The following CA4 variants were observed in gnomAD, a reference collection of about 807,000 sequenced individuals.
CA4 encodes CA-IV.
In CA4, 24 loss-of-function variants were observed where a neutral mutation model predicts 34.5. That is an observed-to-expected ratio of 0.70 (90% CI 0.50 to 0.98). The LOEUF is 0.98. Ranked by LOEUF, CA4 falls within the 50% of genes least tolerant of loss-of-function variation. CA4 has a pLI of 0.00. For missense variants in CA4, 394 were observed against 396.7 expected (o/e 0.99, Z 0.06); for synonymous variants, 178 against 170.6 (o/e 1.04, Z -0.34).
chr17:60,151,516 C>A (rs2145251451), intron 1 of CA4: 1 of 152,332 alleles, frequency 6.6e-6, no homozygotes. Context: ...TGCTTTGTAG[C>A]TGTGTGGTCT....
chr17:60,153,208 C>G (rs2083621386), intron 1 of CA4, among the ~76,000 whole-genome samples: 1 of 152,058 alleles, frequency 6.6e-6, no homozygotes, highest in South Asian at 2.1e-4. Flanking sequence ...CATGGTGGTA[C>G]ATGCCTGTAA....
intron 1 of CA4, among the ~76,000 whole-genome samples, chr17:60,154,999 C>T (rs1485418245): frequency 1.3e-5 from 2 of 152,112 alleles, no homozygotes; most frequent in Admixed American, 1.3e-4. Context: ...CTGCTGGTGA[C>T]CAAAGGATGG....
chr17:60,173,612 T>A (rs1379782943), downstream of CA4, among the ~76,000 whole-genome samples: 1 of 152,226 alleles, frequency 6.6e-6, no homozygotes, highest in African/African-American at 2.4e-5. Context: ...ACTCCTTACA[T>A]GTGTGCATAT....
chr17:60,165,444 TA>T (rs1386700724), intron 5 of CA4, among the ~76,000 whole-genome samples: 2 of 152,082 alleles, frequency 1.3e-5, no homozygotes, highest in Non-Finnish European at 2.9e-5. Context: ...TGTCCTGCCT[TA>T]GGGGGTAGCA....
intron 5 of CA4, among the ~76,000 whole-genome samples, chr17:60,169,944 C>T (rs1226175678): frequency 6.6e-6 from 1 of 152,184 alleles, no homozygotes; most frequent in African/African-American, 2.4e-5. Context: ...AACATTTCCA[C>T]TACCATCCAG....
At chr17:60,156,242 G>A (rs1261090326) in intron 2 of CA4, among the ~76,000 whole-genome samples, 1 of 152,190 alleles carries the variant, frequency 6.6e-6, no homozygotes, top group African/African-American at 2.4e-5. Flanking sequence ...GCTTGGAGAG[G>A]CCATGTGCAC....
In CA4 at chr17:60,157,529, A is replaced by T; in HGVS notation, c.371A>T (p.Lys124Met). ...LHLHWSDLPY[K>M]GSEHSLDGEH... ...CTGCACTGGTCCGACTTGCCATATA[A>T]GGGCTCGGAGCACAGCCTCGATGGG... is the stretch of plus-strand genomic sequence containing the variant. Residue 124 changes from lysine to methionine, a missense_variant, in exon 4 of 8, where the codon AAG becomes ATG. Lys to Met is a moderately conservative substitution (Grantham distance 95). Coordinates refer to ENST00000300900, the MANE Select transcript of CA4 (RefSeq NM_000717.5). 1 of 1,614,200 alleles carries T rather than the reference A, an allele frequency of 6.2e-7. No homozygotes were observed. Among genetic ancestry groups the T allele is most frequent in the Non-Finnish European group, 8.5e-7 (1 of 1,180,032 alleles).
chr17:60,164,268 C>T (rs2083831044), downstream of CA4, among the ~76,000 whole-genome samples: 1 of 146,252 alleles, frequency 6.8e-6, no homozygotes, highest in Non-Finnish European at 1.5e-5. Context: ...TCTTTCCGTC[C>T]TTCCCTCCCT....
chr17:60,155,621 A>AACACTCACACTCACACATGCACACAC (rs1395350105), intron 2 of CA4, among the ~76,000 whole-genome samples: 3 of 149,450 alleles, frequency 2.0e-5, no homozygotes, highest in East Asian at 3.9e-4. Context: ...CACACACTCA[A>AACACTCACACTCACACATGCACACAC]ACACTCACAC....
Position 60,149,976 on chromosome 17 carries a change from C to T in CA4, c.-59C>T. The T allele has an allele frequency of 7.1e-7, 1 of 1,409,692 alleles. No individual in the cohort carries two copies. The highest frequency in any genetic ancestry group is 9.9e-7 in the Non-Finnish European group (1 of 1,013,562). The allele number at this position is 1,409,692 out of a possible 1,614,324, so 87.3% of individuals were successfully genotyped here. A position where few individuals can be genotyped will look rare whatever the true frequency, so the allele number is the denominator to read the frequency against. On this transcript the variant is annotated 5_prime_UTR_variant, in exon 1 of 8. Coordinates refer to ENST00000300900, the MANE Select transcript of CA4 (RefSeq NM_000717.5). The stretch of plus-strand genomic sequence containing the variant: ...CCCAGGCCGGCAGGATCGCTGCACC[C>T]GCGGCGGCCTCCTCGGTGCGCGACC...
intron 6 of CA4, 40 bp from the exon 7 acceptor site, chr17:60,158,243 C>T (rs1308720079): frequency 1.2e-6 from 2 of 1,611,240 alleles, no homozygotes; most frequent in South Asian, 2.2e-5. Flanking sequence ...GGGGCTCCTT[C>T]TCCCACCCTC....
intron 1 of CA4, among the ~76,000 whole-genome samples, chr17:60,153,359 T>C (rs1033775677): frequency 1.3e-4 from 20 of 152,124 alleles, no homozygotes; most frequent in Non-Finnish European, 1.5e-5. Flanking sequence ...TAATATCAAT[T>C]CTTGGATAAT....
At chr17:60,175,664 G>A (rs189066612), downstream of CA4, among the ~76,000 whole-genome samples, 3,882 of 37,334 alleles carry the variant, frequency 0.1, 268 homozygotes, top group African/African-American at 0.39. Context: ...GTGAAACTCC[G>A]TCTCAAAAAA....
downstream of CA4, among the ~76,000 whole-genome samples, chr17:60,162,944 A>G (rs1453719252): frequency 6.6e-6 from 1 of 152,062 alleles, no homozygotes; most frequent in Non-Finnish European, 1.5e-5. Flanking sequence ...CGTCCCACCC[A>G]TCTCCGCTGG....
At chr17:60,171,692 TAC>T (rs1329457514), downstream of CA4, among the ~76,000 whole-genome samples, 19 of 152,302 alleles carry the variant, frequency 1.2e-4, no homozygotes, top group African/African-American at 4.3e-4. Context: ...CAGGCAGCAC[TAC>T]ACCCCCCACT....
chr17:60,166,515 A>T (rs2083857173), intron 5 of CA4, among the ~76,000 whole-genome samples: 1 of 152,274 alleles, frequency 6.6e-6, no homozygotes, highest in South Asian at 2.1e-4. Flanking sequence ...ATTCCTCAAG[A>T]AACTAATTTC....
intron 7 of CA4, 69 bp from the exon 8 acceptor site, chr17:60,159,161 G>T: frequency 7.1e-7 from 1 of 1,407,182 alleles, no homozygotes; most frequent in Admixed American, 2.0e-5. Flanking sequence ...TGAGGTGCCT[G>T]CCTGAGGTCA....
downstream of CA4, among the ~76,000 whole-genome samples, chr17:60,160,966 A>G (rs2083781672): frequency 6.6e-6 from 1 of 151,360 alleles, no homozygotes; most frequent in Non-Finnish European, 1.5e-5. Context: ...GGTGGAGGGC[A>G]TTGGTTTGGA....
chr17:60,159,726 C>T (rs2083764420), downstream of CA4, among the ~76,000 whole-genome samples: 2 of 152,172 alleles, frequency 1.3e-5, no homozygotes, highest in South Asian at 2.1e-4. Flanking sequence ...CCACTCCCTT[C>T]TACCAGGACC....
Sources: gnomAD v4.1 joint callset for allele counts (sites outside exome capture counted in the v4.1 genomes callset) on GRCh38, gnomAD v4.1.1 for gene constraint, MANE v1.5 for transcripts, NCBI Gene and HGNC (gene_info 2026-07-23, HGNC 2026-07-21) for gene names.